The following ATP11B variants were observed in gnomAD, a reference collection of about 807,000 sequenced individuals.
ATP11B encodes phospholipid-transporting ATPase IF.
In ATP11B, 81 loss-of-function variants were observed where a neutral mutation model predicts 157.8. The observed-to-expected ratio is 0.51, with a 90% CI of 0.43 to 0.62. ATP11B has a LOEUF of 0.62. Ranked by LOEUF, ATP11B falls within the 20% of genes least tolerant of loss-of-function variation. The pLI is 0.00. For synonymous variants in ATP11B, 451 were observed against 469.4 expected (o/e 0.96, Z 0.51); for missense variants, 1,165 against 1,402.2 (o/e 0.83, Z 2.70).
intron 28 of ATP11B, among the ~76,000 whole-genome samples, chr3:182,900,607 A>G (rs1191070803): frequency 6.6e-6 from 1 of 152,132 alleles, no homozygotes; most frequent in Non-Finnish European, 1.5e-5. Flanking sequence ...CTTCTGAAAA[A>G]AAAATTCACA....
At position 182,898,604 on chromosome 3, in the gene ATP11B, C is replaced by CA; in HGVS notation, c.3153-2dup. ...TTATTAAGCACATTTTCTTTCTTTG[C>CA]AGGCCATTTTTGGGCTCCCAGAATA... On this transcript the variant is annotated splice_polypyrimidine_tract_variant and splice_region_variant and intron_variant, in intron 27 of 29. Coordinates refer to ENST00000323116, the MANE Select transcript of ATP11B (RefSeq NM_014616.3). 6.3e-7 allele frequency: 1 copy of CA among 1,579,796 alleles called. No individual in the cohort carries two copies. Among genetic ancestry groups the CA allele is most frequent in the Non-Finnish European group, 8.6e-7 (1 of 1,164,740 alleles).
intron 25 of ATP11B, among the ~76,000 whole-genome samples, chr3:182,896,110 T>C (rs1212040995): frequency 3.3e-5 from 5 of 152,240 alleles, no homozygotes; most frequent in Non-Finnish European, 5.9e-5. Context: ...TTTGGGGTTC[T>C]GCGTGATTAA....
At chr3:182,882,643 G>A (rs984123912) in intron 21 of ATP11B, among the ~76,000 whole-genome samples, 2 of 152,070 alleles carry the variant, frequency 1.3e-5, no homozygotes, top group Admixed American at 1.3e-4. Flanking sequence ...GTTATTTGCG[G>A]TATGGAAGAA....
intron 1 of ATP11B, among the ~76,000 whole-genome samples, chr3:182,797,423 C>G (rs1350718549): frequency 6.6e-6 from 1 of 152,102 alleles, no homozygotes; most frequent in Non-Finnish European, 1.5e-5. Context: ...AAATGTAAAA[C>G]CTGGCCGGGC....
intron 21 of ATP11B, 51 bp from the exon 22 acceptor site, chr3:182,884,702 C>A: frequency 1.3e-6 from 2 of 1,517,550 alleles, no homozygotes; most frequent in Non-Finnish European, 1.8e-6. Context: ...GCAGATTTAT[C>A]ATGAAAATTA....
At chr3:182,915,180 C>G (rs1725059067) in intron 29 of ATP11B, 2 of 985,194 alleles carry the variant, frequency 2.0e-6, no homozygotes, top group South Asian at 9.4e-5. Context: ...CTTGTTAGTT[C>G]TCACTTTAGC....
At chr3:182,851,892 G>T (rs1020774126) in intron 10 of ATP11B, among the ~76,000 whole-genome samples, 1 of 152,188 alleles carries the variant, frequency 6.6e-6, no homozygotes, top group Non-Finnish European at 1.5e-5. Context: ...ACTATATGCT[G>T]TCTAGAAGAA....
At chr3:182,886,467 C>T (rs1278352925) in intron 23 of ATP11B, among the ~76,000 whole-genome samples, 1 of 151,968 alleles carries the variant, frequency 6.6e-6, no homozygotes, top group African/African-American at 2.4e-5. Context: ...TGATGGGGCA[C>T]CTAGAGTATA....
At chr3:182,838,390 G>A (rs563090410) in intron 7 of ATP11B, among the ~76,000 whole-genome samples, 1 of 151,862 alleles carries the variant, frequency 6.6e-6, no homozygotes, top group Non-Finnish European at 1.5e-5. Flanking sequence ...ATTAATATGA[G>A]ATGAAGTATA....
At chr3:182,832,299 A>T (rs1012109360) in intron 4 of ATP11B, among the ~76,000 whole-genome samples, 3 of 152,214 alleles carry the variant, frequency 2.0e-5, no homozygotes, top group Admixed American at 6.5e-5. Flanking sequence ...TTCATAACTA[A>T]GGCAAAAGGG....
At position 182,806,290 on chromosome 3, in the gene ATP11B, A is replaced by G. The variant is rs1716325702; in HGVS notation, c.27+12504A>G. On this transcript the variant is annotated intron_variant, in intron 1 of 29. Coordinates refer to ENST00000323116, the MANE Select transcript of ATP11B (RefSeq NM_014616.3). Reference sequence around the variant, plus strand: ...TATCTTTCACATTATTTTTAAGATTATCTTTGTCCTTGATATTTTGTAATT... The same window carrying G: ...TATCTTTCACATTATTTTTAAGATTGTCTTTGTCCTTGATATTTTGTAATT... Among the ~76,000 whole-genome samples, 4 of 152,140 alleles carry G rather than the reference A, an allele frequency of 2.6e-5. No individual in the cohort carries two copies. In the South Asian group the frequency reaches 8.3e-4, roughly 31 times the overall value.
At chr3:182,867,466 G>T (rs375418315) in intron 15 of ATP11B, 22 bp downstream of exon 15, 1 of 1,507,202 alleles carries the variant, frequency 6.6e-7, no homozygotes, top group Non-Finnish European at 9.2e-7. Flanking sequence ...TCATATATTG[G>T]AATGTTTTCT....
intron 1 of ATP11B, among the ~76,000 whole-genome samples, chr3:182,803,392 C>G (rs1044911382): frequency 6.6e-6 from 1 of 152,174 alleles, no homozygotes; most frequent in African/African-American, 2.4e-5. Flanking sequence ...CTAATTCTTG[C>G]TATAGCCTGG....
chr3:182,847,575 G>A (rs1719633706), intron 9 of ATP11B, among the ~76,000 whole-genome samples: 1 of 152,162 alleles, frequency 6.6e-6, no homozygotes, highest in South Asian at 2.1e-4. Flanking sequence ...TAAGGAATAA[G>A]TCAAGATAAA....
intron 21 of ATP11B, among the ~76,000 whole-genome samples, chr3:182,882,960 A>G (rs1218088524): frequency 3.9e-5 from 6 of 152,202 alleles, no homozygotes; most frequent in Non-Finnish European, 7.4e-5. Flanking sequence ...ATTCCAAGGA[A>G]TGGAAGTTAA....
intron 1 of ATP11B, among the ~76,000 whole-genome samples, chr3:182,802,881 G>A (rs2108484383): frequency 6.6e-6 from 1 of 152,186 alleles, no homozygotes; most frequent in South Asian, 2.1e-4. Context: ...TCTTTCTCAT[G>A]TATTGATGAA....
At chr3:182,881,286 T>C (rs1321667189) in intron 21 of ATP11B, among the ~76,000 whole-genome samples, 1 of 151,630 alleles carries the variant, frequency 6.6e-6, no homozygotes, top group Non-Finnish European at 1.5e-5. Flanking sequence ...ATACAAAAAT[T>C]AGCCAGGCGT....
intron 2 of ATP11B, among the ~76,000 whole-genome samples, chr3:182,826,139 A>G (rs550841348): frequency 6.6e-6 from 1 of 152,184 alleles, no homozygotes; most frequent in African/African-American, 2.4e-5. Context: ...CTCCCTCTCT[A>G]TACAATAGGA....
At chr3:182,865,739 A>G in intron 13 of ATP11B, 41 bp downstream of exon 13, 1 of 1,519,968 alleles carries the variant, frequency 6.6e-7, no homozygotes, top group African/African-American at 1.4e-5. Flanking sequence ...TTTCATATGA[A>G]ATAATTCTCT....
Sources: allele counts gnomAD v4.1 joint callset (sites outside exome capture counted in the v4.1 genomes callset), GRCh38; gene constraint gnomAD v4.1.1; transcripts MANE v1.5; gene names NCBI Gene and HGNC (gene_info 2026-07-23, HGNC 2026-07-21).